The following NUDC variants were observed in gnomAD, a reference collection of about 807,000 sequenced individuals.
The protein encoded by NUDC is nuclear migration protein nudC.
NUDC carries 14 observed loss-of-function variants against 45.0 expected under a neutral mutation model. The observed-to-expected ratio is 0.31, with a 90% CI of 0.21 to 0.49. The LOEUF (loss-of-function observed/expected upper bound fraction) is 0.49. Ranked by LOEUF, NUDC falls within the 20% of genes least tolerant of loss-of-function variation. NUDC has a pLI of 0.99. For missense variants in NUDC, 323 were observed against 426.2 expected (o/e 0.76, Z 2.13); for synonymous variants, 153 against 156.7 (o/e 0.98, Z 0.17).
chr1:26,909,948 G>A (rs1175045015), intron 2 of NUDC, among the ~76,000 whole-genome samples: 1 of 152,138 alleles, frequency 6.6e-6, no homozygotes, highest in Non-Finnish European at 1.5e-5. Context: ...CAGGGGGAAA[G>A]AGGATGAATG....
rs905290537 is a variant in NUDC, at chr1:26,942,879, C to T, written c.555C>T (p.Val185=). 1 of 1,613,706 alleles carries T rather than the reference C, an allele frequency of 6.2e-7. No homozygotes were observed. The highest frequency in any genetic ancestry group is 8.5e-7 in the Non-Finnish European group (1 of 1,180,030). ...GCCTCTGCCCTATGCAGCTGGCGGTCCCTTTCTGTGTGAACTTCCGGCTGA... is the reference window on the plus strand; with the variant it reads ...GCCTCTGCCCTATGCAGCTGGCGGTTCCTTTCTGTGTGAACTTCCGGCTGA... ...TQTLSELDLA[V]PFCVNFRLKG... is the part of the protein sequence containing the mutation. Residue 185 remains valine (V), a synonymous_variant, in exon 6 of 9, where the codon GTC becomes GTT. Transcript: ENST00000321265.
At chr1:26,900,442 T>C in intron 1 of NUDC, 1 of 1,607,842 alleles carries the variant, frequency 6.2e-7, no homozygotes, top group African/African-American at 1.3e-5. Context: ...GGCACCGCCA[T>C]CTTGGATTGT....
rs145576302 is a variant in NUDC at position 26,941,538 on chromosome 1, C to T, written c.241C>T (p.Arg81Trp). The change falls in exon 3 of 9, where the codon CGG becomes TGG. Residue 81 changes from arginine (R) to tryptophan (W), a missense_variant. Arg to Trp is a moderately radical substitution (Grantham distance 101). This residue lies in a region of NUDC where 245 missense variants were observed against 278.8 expected (regional missense o/e 0.88). Coordinates refer to ENST00000321265, the MANE Select transcript of NUDC (RefSeq NM_006600.4). ...GAAGAGAGCCCGGCAGGAGGCCGAGCGGCGGGAGAAGGCGGAGCGGGCGGC... is the reference window on the plus strand; with the variant it reads ...GAAGAGAGCCCGGCAGGAGGCCGAGTGGCGGGAGAAGGCGGAGCGGGCGGC... ...REKRARQEAE[R>W]REKAERAARL... 98 of 1,612,750 alleles carry T rather than the reference C, an allele frequency of 6.1e-5. No individual in the cohort carries two copies. The African/African-American group carries it at 7.9e-4, about 13-fold the overall frequency.
chr1:26,930,353 A>G (rs1031391873), intron 2 of NUDC, among the ~76,000 whole-genome samples: 1 of 152,136 alleles, frequency 6.6e-6, no homozygotes, highest in Non-Finnish European at 1.5e-5. Flanking sequence ...TATTTTTTGT[A>G]GAGTGGGGGT....
At chr1:26,937,239 C>T (rs1223286294) in intron 2 of NUDC, among the ~76,000 whole-genome samples, 1 of 152,146 alleles carries the variant, frequency 6.6e-6, no homozygotes, top group African/African-American at 2.4e-5. Context: ...GTGTTCACCA[C>T]CCTAGAAACT....
At chr1:26,933,471 T>C (rs564352136) in intron 2 of NUDC, among the ~76,000 whole-genome samples, 2 of 152,080 alleles carry the variant, frequency 1.3e-5, no homozygotes, top group African/African-American at 4.8e-5. Flanking sequence ...TGGAGTGCAA[T>C]GATGCAATCT....
chr1:26,916,268 TC>T, intron 3 of NUDC, among the ~76,000 whole-genome samples: 1 of 151,618 alleles, frequency 6.6e-6, no homozygotes, highest in Admixed American at 6.6e-5. Flanking sequence ...ATATCTGTAG[TC>T]CCAACTACTT....
intron 3 of NUDC, chr1:26,913,808 G>A (rs374067965): frequency 1.9e-5 from 29 of 1,522,522 alleles, no homozygotes; most frequent in Middle Eastern, 3.5e-4. Flanking sequence ...TGGACGGGCC[G>A]GTGCTGCCTA....
chr1:26,900,360 T>C, exon 1 of NUDC: 1 of 1,613,986 alleles, frequency 6.2e-7, no homozygotes, highest in Non-Finnish European at 8.5e-7. Context: ...GCTCCGTAAA[T>C]GGGCCGAGCG....
chr1:26,902,965 G>A (rs760320327), intron 2 of NUDC, among the ~76,000 whole-genome samples: 2 of 151,662 alleles, frequency 1.3e-5, no homozygotes, highest in African/African-American at 4.9e-5. Flanking sequence ...CACGAGAATC[G>A]CTTGAACCCA....
At position 26,942,718 on chromosome 1, in the gene NUDC, T is replaced by C. The variant is rs1482482355; in HGVS notation, c.488T>C (p.Leu163Pro). 7.4e-6 allele frequency: 12 copies of C among 1,614,092 alleles called. No individual in the cohort carries two copies. Among genetic ancestry groups the C allele is most frequent in the Non-Finnish European group, 1.0e-5 (12 of 1,180,038 alleles). Residue 163 changes from leucine to proline, a missense_variant, in exon 5 of 9, where the codon CTA becomes CCA. Physicochemically the swap from Leu to Pro is moderately conservative, Grantham distance 98 (BLOSUM62 -3). Coordinates refer to ENST00000321265, the MANE Select transcript of NUDC (RefSeq NM_006600.4). ...EKDKGKLKPNLGNGADLPNYR... is the reference protein window; with the variant it reads ...EKDKGKLKPNPGNGADLPNYR... ...GACAAAGGAAAACTGAAGCCCAACC[T>C]AGGCAACGGGGCAGACCTGCCCAAT...
chr1:26,942,604 T>A, intron 4 of NUDC, 56 bp from the exon 5 acceptor site: 7 of 1,612,132 alleles, frequency 4.3e-6, no homozygotes, highest in Non-Finnish European at 5.9e-6. Flanking sequence ...CCAGTGAGGG[T>A]TCAATCTGTG....
intron 2 of NUDC, among the ~76,000 whole-genome samples, chr1:26,909,203 A>C (rs2124060320): frequency 6.6e-6 from 1 of 152,036 alleles, no homozygotes; most frequent in South Asian, 2.1e-4. Flanking sequence ...TTGAACTCCT[A>C]ACCTCAGGTG....
chr1:26,911,658 A>G (rs1045394011), intron 3 of NUDC: 3 of 679,532 alleles, frequency 4.4e-6, no homozygotes, highest in Non-Finnish European at 5.2e-6. Flanking sequence ...AGGCAGCTGG[A>G]ACACTGTGTC....
intron 2 of NUDC, 96 bp from the exon 3 acceptor site, chr1:26,941,361 G>T: frequency 1.6e-6 from 2 of 1,279,456 alleles, no homozygotes; most frequent in Non-Finnish European, 1.1e-6. Flanking sequence ...GCAGTGCTTT[G>T]CCCTTGCACC....
upstream of NUDC, among the ~76,000 whole-genome samples, chr1:26,921,231 T>C (rs1370926238): frequency 6.6e-6 from 1 of 152,164 alleles, no homozygotes; most frequent in Admixed American, 6.6e-5. Context: ...TTCAAGACTA[T>C]AACAGAAGGC....
At chr1:26,936,820 T>G (rs2124128208) in intron 2 of NUDC, among the ~76,000 whole-genome samples, 1 of 152,154 alleles carries the variant, frequency 6.6e-6, no homozygotes, top group South Asian at 2.1e-4. Context: ...TGTGTGGGGT[T>G]TTTCCACCAC....
intron 2 of NUDC, among the ~76,000 whole-genome samples, chr1:26,934,977 T>G (rs1012288107): frequency 2.1e-5 from 3 of 144,040 alleles, no homozygotes; most frequent in African/African-American, 7.8e-5. Flanking sequence ...TTTTTGTTTT[T>G]GTTTTTTGTT....
At chr1:26,917,809 C>T (rs2082068979), upstream of NUDC, among the ~76,000 whole-genome samples, 1 of 151,836 alleles carries the variant, frequency 6.6e-6, no homozygotes, top group South Asian at 2.1e-4. Flanking sequence ...TCGCTTGAAC[C>T]TGGGAAGCGG....
Sources: allele counts gnomAD v4.1 joint callset (sites outside exome capture counted in the v4.1 genomes callset), GRCh38; gene constraint gnomAD v4.1.1; regional missense constraint gnomAD v4.1.1; transcripts MANE v1.5; gene names NCBI Gene and HGNC (gene_info 2026-07-23, HGNC 2026-07-21).